Variants in TSEN2 observed in about 807,000 individuals in gnomAD.
TSEN2 encodes the protein tRNA-splicing endonuclease subunit Sen2.
Under a neutral mutation model 59.2 loss-of-function variants are expected in TSEN2, and 54 were observed. The observed-to-expected ratio is 0.91, with a 90% CI of 0.73 to 1.14. The LOEUF is 1.14. Among genes scored for constraint, TSEN2 ranks in the 50% most tolerant of loss-of-function variants. The pLI, the probability that TSEN2 is intolerant of heterozygous loss-of-function variation, is 0.00. For missense variants in TSEN2, 636 were observed against 576.2 expected (o/e 1.10, Z -1.06); for synonymous variants, 195 against 198.2 (o/e 0.98, Z 0.14).
At chr3:12,488,426 A>T (rs887455893) in intron 1 of TSEN2, among the ~76,000 whole-genome samples, 5 of 152,236 alleles carry the variant, frequency 3.3e-5, no homozygotes, top group African/African-American at 1.2e-4. Flanking sequence ...ATTCCAGGAC[A>T]GCTGCTCCTC....
At position 12,505,143 on chromosome 3, in the gene TSEN2, T is replaced by C; in HGVS notation, c.832-11T>C. 1 of 1,554,798 alleles carries C rather than the reference T, an allele frequency of 6.4e-7. No individual in the cohort carries two copies. Among genetic ancestry groups the C allele is most frequent in the South Asian group, 1.1e-5 (1 of 89,762 alleles). Reference sequence around the variant, plus strand: ...ATTTGTTCTGTATATATTGTATTTCTTTCTCTTTAGTTGGTGCAAAGAAAC... The same window carrying C: ...ATTTGTTCTGTATATATTGTATTTCCTTCTCTTTAGTTGGTGCAAAGAAAC... On this transcript the variant is annotated splice_polypyrimidine_tract_variant and intron_variant, in intron 5 of 11. Transcript: ENST00000284995.
intron 6 of TSEN2, among the ~76,000 whole-genome samples, chr3:12,506,551 C>T (rs1342144162): frequency 1.3e-5 from 2 of 150,038 alleles, no homozygotes; most frequent in South Asian, 2.1e-4. Flanking sequence ...ACCGAGGTCA[C>T]GCCACTGCAC....
chr3:12,528,088 A>G (rs2057228148), intron 8 of TSEN2, among the ~76,000 whole-genome samples: 1 of 152,226 alleles, frequency 6.6e-6, no homozygotes, highest in South Asian at 2.1e-4. Flanking sequence ...TATGACTTCT[A>G]TCACTTGACT....
intron 7 of TSEN2, among the ~76,000 whole-genome samples, chr3:12,516,962 G>A (rs2056186688): frequency 6.6e-6 from 1 of 152,034 alleles, no homozygotes; most frequent in African/African-American, 2.4e-5. Flanking sequence ...AAAAATAAAA[G>A]TTACCCGTAT....
chr3:12,530,219 CAT>C, intron 10 of TSEN2: 3 of 1,075,286 alleles, frequency 2.8e-6, no homozygotes, highest in South Asian at 7.6e-5. Flanking sequence ...AACATTCACT[CAT>C]ACACATATTC....
At chr3:12,508,399 A>G (rs571809655) in intron 6 of TSEN2, among the ~76,000 whole-genome samples, 46 of 152,248 alleles carry the variant, frequency 3.0e-4, no homozygotes, top group African/African-American at 6.3e-4. Flanking sequence ...ACCTAGCTCT[A>G]CTTGTCTTTC....
intron 6 of TSEN2, among the ~76,000 whole-genome samples, chr3:12,508,177 G>A (rs1324000398): frequency 6.6e-6 from 1 of 152,164 alleles, no homozygotes; most frequent in African/African-American, 2.4e-5. Context: ...TGGGAGTTCA[G>A]CTGCACTGTT....
chr3:12,491,385 G>A (rs2053196922), intron 2 of TSEN2, among the ~76,000 whole-genome samples: 1 of 152,094 alleles, frequency 6.6e-6, no homozygotes. Context: ...ATGAAAAGGG[G>A]AAAAATACAT....
intron 2 of TSEN2, 63 bp from the exon 3 acceptor site, chr3:12,492,073 C>A: frequency 7.1e-7 from 1 of 1,400,038 alleles, no homozygotes; most frequent in South Asian, 1.2e-5. Context: ...ACTGTATATT[C>A]TACCTCAGCT....
At chr3:12,522,301 T>C (rs916777114) in intron 8 of TSEN2, among the ~76,000 whole-genome samples, 1 of 152,182 alleles carries the variant, frequency 6.6e-6, no homozygotes, top group African/African-American at 2.4e-5. Flanking sequence ...AAAGATAAAC[T>C]ACTCAGTTTA....
intron 4 of TSEN2, among the ~76,000 whole-genome samples, chr3:12,498,115 G>A (rs1216612262): frequency 6.6e-6 from 1 of 150,890 alleles, no homozygotes; most frequent in Non-Finnish European, 1.5e-5. Flanking sequence ...ATAGATGTAT[G>A]TATTTTCGGG....
intron 8 of TSEN2, among the ~76,000 whole-genome samples, chr3:12,528,259 A>G (rs1361694760): frequency 1.3e-5 from 2 of 152,202 alleles, no homozygotes; most frequent in Non-Finnish European, 2.9e-5. Context: ...ACCTCTCAGT[A>G]TGATTCACAC....
Position 12,503,550 on chromosome 3 carries a change from C to T in TSEN2, c.597C>T (p.Cys199=). Residue 199 remains cysteine (C), a synonymous_variant, in exon 5 of 12, where the codon TGC becomes TGT. Transcript: ENST00000284995. ...PLGCLQEGSG[C]HPTTESFEKS... ...GCTGCCTGCAGGAGGGCTCTGGCTG[C>T]CACCCAACAACAGAGAGCTTTGAGA... The T allele has an allele frequency of 6.2e-7, 1 of 1,611,086 alleles. No individual in the cohort carries two copies. The highest frequency in any genetic ancestry group is 8.5e-7 in the Non-Finnish European group (1 of 1,177,646).
intron 2 of TSEN2, among the ~76,000 whole-genome samples, chr3:12,490,512 T>G (rs2053109642): frequency 6.6e-6 from 1 of 152,220 alleles, no homozygotes; most frequent in Admixed American, 6.5e-5. Flanking sequence ...TTTCCAGCAT[T>G]GATCAAGTTG....
chr3:12,508,155 C>T (rs1448181477), intron 6 of TSEN2, among the ~76,000 whole-genome samples: 3 of 152,156 alleles, frequency 2.0e-5, no homozygotes, highest in Non-Finnish European at 2.9e-5. Context: ...AAGGGTATTC[C>T]GTGTCAGATG....
intron 10 of TSEN2, 72 bp downstream of exon 10, chr3:12,529,945 G>C (rs758632256): frequency 5.7e-6 from 9 of 1,567,462 alleles, no homozygotes; most frequent in Non-Finnish European, 7.7e-6. Flanking sequence ...CTTAAATGTA[G>C]TAGAATCAAA....
Position 12,505,195 on chromosome 3 carries a change from T to C in TSEN2, c.873T>C (p.Tyr291=), listed in dbSNP as rs777932211. ...GGTTAATATGCAGAAGAAATCCATA[T>C]AGGATCTTTGAGTATTTGCAACTCA... ...RNRLICRRNP[Y]RIFEYLQLSL... The change falls in exon 6 of 12, where the codon TAT becomes TAC. Residue 291 remains tyrosine, a synonymous_variant. Transcript: ENST00000284995. The C allele has an allele frequency of 1.9e-6, 3 of 1,612,236 alleles. No individual in the cohort carries two copies. Among genetic ancestry groups the C allele is most frequent in the South Asian group, 2.2e-5 (2 of 91,040 alleles).
intron 11 of TSEN2, among the ~76,000 whole-genome samples, chr3:12,531,970 A>G (rs2057487802): frequency 6.6e-6 from 1 of 152,176 alleles, no homozygotes; most frequent in Non-Finnish European, 1.5e-5. Flanking sequence ...TCTCATTCCC[A>G]GAGACCAGAG....
chr3:12,523,255 C>T (rs971455013), intron 8 of TSEN2, among the ~76,000 whole-genome samples: 1 of 152,132 alleles, frequency 6.6e-6, no homozygotes, highest in African/African-American at 2.4e-5. Flanking sequence ...AAGCCTCCTT[C>T]CCAGCCAACC....
Sources: allele counts gnomAD v4.1 joint callset (sites outside exome capture counted in the v4.1 genomes callset), GRCh38; gene constraint gnomAD v4.1.1; transcripts MANE v1.5; gene names NCBI Gene and HGNC (gene_info 2026-07-23, HGNC 2026-07-21).